Variants in STK3 observed in about 807,000 individuals in gnomAD.
STK3 encodes the protein serine/threonine-protein kinase 3.
Under a neutral mutation model 58.0 loss-of-function variants are expected in STK3, and 41 were observed. The ratio of observed to expected loss-of-function variants is 0.71; its 90% CI spans 0.55 to 0.92. STK3 has a LOEUF of 0.92. Ranked by LOEUF, STK3 falls within the 40% of genes least tolerant of loss-of-function variation. The pLI is 0.00. For missense variants in STK3, 479 were observed against 602.7 expected (o/e 0.79, Z 2.15); for synonymous variants, 170 against 191.0 (o/e 0.89, Z 0.91).
intron 3 of STK3, among the ~76,000 whole-genome samples, chr8:98,874,627 T>TA (rs1214050581): frequency 6.6e-6 from 1 of 152,032 alleles, no homozygotes; most frequent in Non-Finnish European, 1.5e-5. Flanking sequence ...AAAATGTTTA[T>TA]AATTTTTTTT....
upstream of STK3, among the ~76,000 whole-genome samples, chr8:98,827,043 T>G (rs558441078): frequency 2.1e-3 from 273 of 131,708 alleles, 1 homozygote; most frequent in African/African-American, 7.9e-3. Context: ...TTGTCAGAAA[T>G]TGTCAAGATG....
At chr8:98,709,742 C>A (rs982313770) in intron 4 of STK3, among the ~76,000 whole-genome samples, 1 of 152,158 alleles carries the variant, frequency 6.6e-6, no homozygotes, top group African/African-American at 2.4e-5. Context: ...AATTTAACTT[C>A]TTTTCATAAA....
At chr8:98,889,549 G>A (rs770262054) in intron 1 of STK3, among the ~76,000 whole-genome samples, 3 of 152,170 alleles carry the variant, frequency 2.0e-5, no homozygotes, top group African/African-American at 7.2e-5. Flanking sequence ...AGTTGACTCA[G>A]CTCATTTCAA....
intron 1 of STK3, among the ~76,000 whole-genome samples, chr8:98,940,862 G>A (rs1218500112): frequency 6.6e-6 from 1 of 152,216 alleles, no homozygotes; most frequent in Non-Finnish European, 1.5e-5. Flanking sequence ...CTGGGGTGGG[G>A]GACACCATGT....
chr8:98,445,931 C>G (rs1312396346), intron 1 of STK3, among the ~76,000 whole-genome samples: 1 of 152,196 alleles, frequency 6.6e-6, no homozygotes, highest in African/African-American at 2.4e-5. Flanking sequence ...GTTAATTTAT[C>G]TGGAAAACAT....
chr8:98,349,116 A>T, the STK3 span, among the ~76,000 whole-genome samples: 1 of 152,214 alleles, frequency 6.6e-6, no homozygotes, highest in Admixed American at 6.5e-5. Context: ...ACATAGAGGG[A>T]ACTTAAATGT....
chr8:98,859,205 A>G (rs1836832733), intron 3 of STK3, among the ~76,000 whole-genome samples: 1 of 152,238 alleles, frequency 6.6e-6, no homozygotes, highest in African/African-American at 2.4e-5. Context: ...CAGAGACATT[A>G]TTAAATGGAG....
chr8:98,349,141 A>C, the STK3 span, among the ~76,000 whole-genome samples: 1 of 152,360 alleles, frequency 6.6e-6, no homozygotes, highest in Admixed American at 6.5e-5. Context: ...TCCTATAAGA[A>C]GCCTGTCTGA....
At chr8:98,589,232 T>C (rs1457393376) in intron 7 of STK3, among the ~76,000 whole-genome samples, 11 of 152,226 alleles carry the variant, frequency 7.2e-5, no homozygotes, top group African/African-American at 1.2e-4. Flanking sequence ...TGTGGTTTTA[T>C]CTACTTTTGG....
At chr8:98,531,258 A>G (rs1826152162) in intron 9 of STK3, among the ~76,000 whole-genome samples, 1 of 152,260 alleles carries the variant, frequency 6.6e-6, no homozygotes. Context: ...AAGACTTGAA[A>G]GTCTAAAATA....
intron 1 of STK3, among the ~76,000 whole-genome samples, chr8:98,442,210 T>C (rs758415680): frequency 3.3e-5 from 5 of 152,210 alleles, no homozygotes; most frequent in Non-Finnish European, 5.9e-5. Context: ...CCTATCATAA[T>C]TCAAGCCCCC....
In STK3 at chr8:98,713,357, GA is replaced by G. The variant is rs771382035; in HGVS notation, c.352-6047del. 4.3e-4 allele frequency among the ~76,000 whole-genome samples: 65 copies of G among 152,078 alleles called. 1 individual carries two copies. In the Middle Eastern group the frequency reaches 0.01, roughly 24 times the overall value. ...TAATGAATCTAGGAACTGGTTTTTTGAAAAGAGCAACAAAATAGACCGCTAG... is the reference window on the plus strand; with the variant it reads ...TAATGAATCTAGGAACTGGTTTTTTGAAAGAGCAACAAAATAGACCGCTAG... On this transcript the variant is annotated intron_variant, in intron 4 of 10. Coordinates refer to ENST00000419617, the MANE Select transcript of STK3 (RefSeq NM_006281.4).
intron 4 of STK3, among the ~76,000 whole-genome samples, chr8:98,737,623 T>C (rs1180391798): frequency 1.3e-5 from 2 of 152,110 alleles, no homozygotes; most frequent in Non-Finnish European, 2.9e-5. Flanking sequence ...GACTAGAAAA[T>C]ATAACAGCAA....
intron 2 of STK3, among the ~76,000 whole-genome samples, chr8:98,773,423 T>C (rs1301069318): frequency 6.6e-6 from 1 of 151,908 alleles, no homozygotes; most frequent in Non-Finnish European, 1.5e-5. Context: ...TATTACTTTC[T>C]GTTTTTTTAT....
chr8:98,696,744 C>A (rs1280464106), intron 6 of STK3, among the ~76,000 whole-genome samples: 4 of 152,124 alleles, frequency 2.6e-5, no homozygotes, highest in African/African-American at 9.7e-5. Flanking sequence ...TGATGTGCTG[C>A]TGGATTCGTT....
chr8:98,416,083 A>G (rs73273931), intron 3 of STK3, among the ~76,000 whole-genome samples: 214 of 152,276 alleles, frequency 1.4e-3, no homozygotes, highest in African/African-American at 5.1e-3. Flanking sequence ...GTAGGCTTTC[A>G]CACAAGCTGG....
rs139706083 is a variant in STK3, at chr8:98,705,256, A to C, written c.684+1211T>G. On this transcript the variant is annotated intron_variant, in intron 6 of 10. Transcript: ENST00000419617. ...GGCAACATGGCGACACCTTGTCTCT[A>C]CAAAAAATTAGTTGGGCATGGTGGT... Among the ~76,000 whole-genome samples, 507 of 152,208 alleles carry C rather than the reference A, an allele frequency of 3.3e-3. 3 individuals are homozygous for C. Among genetic ancestry groups the C allele is most frequent in the African/African-American group, 0.011 (473 of 41,526 alleles).
At chr8:98,797,988 G>A (rs1833287522) in intron 1 of STK3, among the ~76,000 whole-genome samples, 1 of 152,176 alleles carries the variant, frequency 6.6e-6, no homozygotes. Context: ...CGATTAAAGA[G>A]CATATTCCTA....
the STK3 span, among the ~76,000 whole-genome samples, chr8:98,346,277 T>C: frequency 1.7e-5 from 2 of 120,662 alleles, no homozygotes; most frequent in African/African-American, 6.6e-5. Flanking sequence ...AGAGCAAGAC[T>C]CCGTCTCAAA....
Sources: gnomAD v4.1 joint callset for allele counts (sites outside exome capture counted in the v4.1 genomes callset) on GRCh38, gnomAD v4.1.1 for gene constraint, MANE v1.5 for transcripts, NCBI Gene and HGNC (gene_info 2026-07-23, HGNC 2026-07-21) for gene names.